The following EIF4G3 variants were observed in gnomAD, a reference collection of about 807,000 sequenced individuals.
EIF4G3 encodes eukaryotic translation initiation factor 4 gamma 3.
In EIF4G3, 34 loss-of-function variants were observed where a neutral mutation model predicts 186.4. That is an observed-to-expected ratio of 0.18 (90% confidence interval 0.14 to 0.24). The LOEUF is 0.24. EIF4G3 is among the 10% of genes least tolerant of loss of function. The probability of loss-of-function intolerance (pLI) is 1.00; values close to 1 mark genes in which losing one functional copy is unlikely to be tolerated. For synonymous variants in EIF4G3, 673 were observed against 679.5 expected (o/e 0.99, Z 0.15); for missense variants, 1,536 against 1,948.5 (o/e 0.79, Z 3.99).
chr1:21,121,793 A>C (rs1192137384), intron 2 of EIF4G3, among the ~76,000 whole-genome samples: 1 of 151,566 alleles, frequency 6.6e-6, no homozygotes, highest in Non-Finnish European at 1.5e-5. Flanking sequence ...AAAAAAAACT[A>C]ATCCATCAAT....
intron 18 of EIF4G3, among the ~76,000 whole-genome samples, chr1:20,891,446 C>A (rs2085993787): frequency 1.3e-5 from 2 of 151,468 alleles, no homozygotes; most frequent in South Asian, 4.2e-4. Context: ...ATAAAAATTT[C>A]AACATTAAAA....
At chr1:20,904,862 G>A in intron 15 of EIF4G3, 21 bp downstream of exon 15, 2 of 1,588,560 alleles carry the variant, frequency 1.3e-6, no homozygotes, top group South Asian at 1.1e-5. Context: ...CTCTGAATAT[G>A]AACTTAAGAG....
chr1:21,144,614 C>T (rs1017486034), intron 2 of EIF4G3, among the ~76,000 whole-genome samples: 1 of 151,978 alleles, frequency 6.6e-6, no homozygotes, highest in Non-Finnish European at 1.5e-5. Context: ...AATAAAAGCA[C>T]CTTGGTACAC....
intron 2 of EIF4G3, among the ~76,000 whole-genome samples, chr1:21,163,100 G>A (rs2102976530): frequency 6.6e-6 from 1 of 152,252 alleles, no homozygotes; most frequent in South Asian, 2.1e-4. Context: ...TGTCTACTAT[G>A]TGTAAAGGAA....
chr1:21,012,833 C>T (rs1483182062), intron 4 of EIF4G3, among the ~76,000 whole-genome samples: 1 of 152,128 alleles, frequency 6.6e-6, no homozygotes, highest in African/African-American at 2.4e-5. Flanking sequence ...AAAGAATCCA[C>T]AGATCCTCTA....
At chr1:21,119,402 G>T (rs368241842) in intron 2 of EIF4G3, among the ~76,000 whole-genome samples, 1 of 151,988 alleles carries the variant, frequency 6.6e-6, no homozygotes, top group Non-Finnish European at 1.5e-5. Context: ...TGACTACGGA[G>T]AATAAAATAC....
intron 14 of EIF4G3, among the ~76,000 whole-genome samples, chr1:20,905,251 A>G (rs2091731696): frequency 6.6e-6 from 1 of 152,174 alleles, no homozygotes; most frequent in African/African-American, 2.4e-5. Context: ...TGATGAGTAC[A>G]TACATAAGAA....
At chr1:21,093,258 A>C (rs2096259428) in intron 2 of EIF4G3, among the ~76,000 whole-genome samples, 1 of 152,224 alleles carries the variant, frequency 6.6e-6, no homozygotes, top group Non-Finnish European at 1.5e-5. Flanking sequence ...TTACAAGAAA[A>C]AAACAAACAA....
At chr1:21,136,313 T>TC (rs2097244940) in intron 2 of EIF4G3, among the ~76,000 whole-genome samples, 1 of 151,892 alleles carries the variant, frequency 6.6e-6, no homozygotes, top group Non-Finnish European at 1.5e-5. Flanking sequence ...GGTCAGTAGT[T>TC]CAAGGCCAAC....
intron 4 of EIF4G3, among the ~76,000 whole-genome samples, chr1:21,048,183 G>A (rs768756606): frequency 2.6e-5 from 4 of 152,144 alleles, no homozygotes; most frequent in South Asian, 2.1e-4. Context: ...ATGCATTTGC[G>A]AGCAGCCTAT....
At chr1:21,109,469 A>T (rs2096678397) in intron 2 of EIF4G3, among the ~76,000 whole-genome samples, 1 of 152,206 alleles carries the variant, frequency 6.6e-6, no homozygotes, top group South Asian at 2.1e-4. Flanking sequence ...ACCTAGCAAG[A>T]CTTTGTCTCT....
intron 2 of EIF4G3, among the ~76,000 whole-genome samples, chr1:21,169,363 G>A (rs1375714515): frequency 6.6e-6 from 1 of 152,054 alleles, no homozygotes; most frequent in East Asian, 1.9e-4. Context: ...AGGCAGAATT[G>A]TTTGAACCCG....
chr1:21,134,540 C>T (rs1180374175), intron 2 of EIF4G3, among the ~76,000 whole-genome samples: 2 of 152,128 alleles, frequency 1.3e-5, no homozygotes, highest in African/African-American at 2.4e-5. Flanking sequence ...CATGGTGGTG[C>T]ACACTTGTAG....
At chr1:21,154,403 G>T (rs1379054721) in intron 2 of EIF4G3, among the ~76,000 whole-genome samples, 1 of 152,130 alleles carries the variant, frequency 6.6e-6, no homozygotes, top group East Asian at 1.9e-4. Flanking sequence ...TTTTTTGTGA[G>T]AGCCAGAAAG....
chr1:21,077,975 A>G (rs2100670748), intron 3 of EIF4G3, among the ~76,000 whole-genome samples: 1 of 152,208 alleles, frequency 6.6e-6, no homozygotes, highest in Non-Finnish European at 1.5e-5. Context: ...TAGTAAGGCC[A>G]CTAAGGAGAA....
chr1:21,116,944 G>A (rs764925882), intron 2 of EIF4G3, among the ~76,000 whole-genome samples: 46 of 151,326 alleles, frequency 3.0e-4, no homozygotes, highest in Admixed American at 1.5e-3. Context: ...TTCATTAAAA[G>A]ATTAATCACT....
rs200569671 is a variant in EIF4G3, at chr1:20,942,787, AT to A, written c.824-458del. ...AAATTATTATAAAGGGACTGATGTT[AT>A]TTTTTATTCTATATATTTTTGTATT... On this transcript the variant is annotated intron_variant, in intron 13 of 36. Transcript: ENST00000602326. 4.0e-3 allele frequency among the ~76,000 whole-genome samples: 609 copies of A among 152,210 alleles called. 7 individuals carry two copies. The highest frequency in any genetic ancestry group is 0.014 in the African/African-American group (572 of 41,540).
At position 21,053,333 on chromosome 1, in the gene EIF4G3, G is replaced by A. The variant is rs1287391918; in HGVS notation, c.-195-2339C>T. On this transcript the variant is annotated intron_variant, in intron 3 of 36. Coordinates refer to ENST00000602326, the MANE Select transcript of EIF4G3 (RefSeq NM_001391906.1). ...CCACTCCGTCTGGGAAGTGAGGAGC[G>A]TCTCCGCCCAGCAGCCACCCCGTCT... 1.9e-4 allele frequency among the ~76,000 whole-genome samples: 29 copies of A among 151,906 alleles called. 1 individual carries two copies. The highest frequency in any genetic ancestry group is 2.0e-4 in the East Asian group (1 of 5,116).
rs554508484 is a variant in EIF4G3 at position 20,965,611 on chromosome 1, C to T, written c.714+3863G>A. ...TAATAGCCTCCCTTCATCTAATTTC[C>T]CATTTTTGCACATGCTGTTCCTCTG... On this transcript the variant is annotated intron_variant, in intron 12 of 36. Transcript: ENST00000602326. 1.2e-3 allele frequency among the ~76,000 whole-genome samples: 85 copies of T among 69,366 alleles called. No individual in the cohort carries two copies. In the South Asian group the frequency reaches 0.024, roughly 20 times the overall value. The allele number at this position is 69,366 out of a possible 152,430, so 45.5% of individuals were successfully genotyped here.
Sources: gnomAD v4.1 joint callset for allele counts (sites outside exome capture counted in the v4.1 genomes callset) on GRCh38, gnomAD v4.1.1 for gene constraint, MANE v1.5 for transcripts, NCBI Gene and HGNC (gene_info 2026-07-23, HGNC 2026-07-21) for gene names.